EPHX1: variants seen among roughly 807,000 people sequenced by gnomAD.
EPHX1 encodes the protein epoxide hydrolase 1.
A neutral mutation model predicts 43.2 loss-of-function variants in EPHX1; 40 were observed. The ratio of observed to expected loss-of-function variants is 0.93; its 90% CI spans 0.72 to 1.21. The LOEUF (loss-of-function observed/expected upper bound fraction) is 1.21, where lower values mean the gene tolerates loss of function less well. Among genes scored for constraint, EPHX1 ranks in the 50% most tolerant of loss-of-function variants. The probability of loss-of-function intolerance (pLI) is 0.00; values close to 1 mark genes in which losing one functional copy is unlikely to be tolerated. For synonymous variants in EPHX1, 221 were observed against 226.7 expected, an observed-to-expected ratio of 0.98 and a Z score of 0.22; for missense variants, 550 against 570.4, an observed-to-expected ratio of 0.96 and a Z score of 0.36.
chr1:225,845,383 C>CAA lies in EPHX1; in HGVS notation c.*37_*38dup. 1.9e-6 allele frequency: 3 copies of CAA among 1,539,862 alleles called. No homozygotes were observed. Among genetic ancestry groups the CAA allele is most frequent in the African/African-American group, 2.7e-5 (2 of 73,650 alleles). ...TCCCCCCGCCTGCCACCTCCCCCCACAAGTGCCCTCCAGGCTTTTCTTGGG... is the reference window on the plus strand; with the variant it reads ...TCCCCCCGCCTGCCACCTCCCCCCACAAAAGTGCCCTCCAGGCTTTTCTTGGG... On this transcript the variant is annotated 3_prime_UTR_variant, in exon 9 of 9. Coordinates refer to ENST00000272167, the MANE Select transcript of EPHX1 (RefSeq NM_001136018.4).
At chr1:225,822,446 A>G (rs1189825621) in intron 1 of EPHX1, among the ~76,000 whole-genome samples, 2 of 152,254 alleles carry the variant, frequency 1.3e-5, no homozygotes, top group Non-Finnish European at 2.9e-5. Context: ...CGAATCAGAT[A>G]AAATATATCT....
At chr1:225,833,755 A>G (rs1667756016) in intron 3 of EPHX1, among the ~76,000 whole-genome samples, 1 of 147,250 alleles carries the variant, frequency 6.8e-6, no homozygotes, top group Non-Finnish European at 1.5e-5. Context: ...AGATCACACC[A>G]CTGCACTCCA....
chr1:225,833,143 A>G (rs975624855), intron 3 of EPHX1, among the ~76,000 whole-genome samples: 3 of 152,178 alleles, frequency 2.0e-5, no homozygotes, highest in Non-Finnish European at 2.9e-5. Context: ...ATAGGCGAGC[A>G]CCACTGTGCC....
At chr1:225,845,042 G>C (rs1668825295) in intron 8 of EPHX1, 104 bp from the exon 9 acceptor site, 1 of 1,222,204 alleles carries the variant, frequency 8.2e-7, no homozygotes, top group Non-Finnish European at 1.2e-6. Flanking sequence ...CTCCTTGTGG[G>C]TGGGCCAGCT....
rs1668895587 is a variant in EPHX1, at chr1:225,845,466, CCCACGCTCACCCCCTCACCCCT to C, written c.*123_*144del. On this transcript the variant is annotated 3_prime_UTR_variant, in exon 9 of 9. Coordinates refer to ENST00000272167, the MANE Select transcript of EPHX1 (RefSeq NM_001136018.4). ...CTCCGTCCCCTGCCCATGCTGGGAG[CCCACGCTCACCCCCTCACCCCT>C]CCAAGCTCACTCCCCAACCCCCAAC... The C allele has an allele frequency of 4.0e-6, 4 of 1,005,124 alleles. No individual in the cohort carries two copies. Among genetic ancestry groups the C allele is most frequent in the East Asian group, 2.6e-5 (1 of 38,390 alleles). The allele number at this position is 1,005,124 out of a possible 1,614,324, so 62.3% of individuals were successfully genotyped here.
chr1:225,827,512 C>T (rs1667304549), intron 1 of EPHX1, among the ~76,000 whole-genome samples: 1 of 152,202 alleles, frequency 6.6e-6, no homozygotes. Flanking sequence ...ATGGTTTCTT[C>T]CTCTTCTGAT....
chr1:225,838,570 A>G (rs954738722), intron 3 of EPHX1, 84 bp from the exon 4 acceptor site: 16 of 1,232,140 alleles, frequency 1.3e-5, no homozygotes, highest in Non-Finnish European at 1.6e-5. Flanking sequence ...GCAGGACTCA[A>G]TATCTAGGCT....
chr1:225,833,328 T>TA (rs1381748485), intron 3 of EPHX1, among the ~76,000 whole-genome samples: 2 of 152,248 alleles, frequency 1.3e-5, no homozygotes, highest in Admixed American at 6.5e-5. Context: ...CTAAAGTTCC[T>TA]AAAAAAAGGA....
chr1:225,844,995 A>C (rs1668817363), intron 8 of EPHX1, 151 bp from the exon 9 acceptor site: 1 of 856,122 alleles, frequency 1.2e-6, no homozygotes, highest in Non-Finnish European at 1.9e-6. Context: ...GTGAGGGGAG[A>C]GCGGTTGAGA....
intron 1 of EPHX1, among the ~76,000 whole-genome samples, chr1:225,823,334 G>T (rs1257806156): frequency 6.6e-6 from 1 of 152,146 alleles, no homozygotes; most frequent in Non-Finnish European, 1.5e-5. Flanking sequence ...CTGGGCCAAA[G>T]CCCTCGTATT....
intron 1 of EPHX1, among the ~76,000 whole-genome samples, chr1:225,820,648 C>T (rs1217294020): frequency 2.6e-5 from 4 of 152,122 alleles, no homozygotes; most frequent in African/African-American, 7.2e-5. Flanking sequence ...CCATTCCATT[C>T]CACATGCTCT....
chr1:225,824,685 G>C (rs567638628), intron 1 of EPHX1, among the ~76,000 whole-genome samples: 14 of 152,364 alleles, frequency 9.2e-5, no homozygotes, highest in African/African-American at 2.4e-4. Context: ...AAGCAGACGG[G>C]GGGGTGTGGA....
chr1:225,826,777 G>A (rs1427286064), intron 1 of EPHX1, among the ~76,000 whole-genome samples: 1 of 152,138 alleles, frequency 6.6e-6, no homozygotes, highest in Non-Finnish European at 1.5e-5. Context: ...AATCACATGT[G>A]GGGTGATAAG....
intron 1 of EPHX1, among the ~76,000 whole-genome samples, chr1:225,824,138 G>A (rs968915189): frequency 1.3e-5 from 2 of 152,144 alleles, no homozygotes; most frequent in Non-Finnish European, 2.9e-5. Flanking sequence ...CTCTAAGACC[G>A]CCCACCCCCG....
Position 225,831,807 on chromosome 1 carries a change from G to A in EPHX1, c.212G>A (p.Arg71His), listed in dbSNP as rs58623835. The A allele has an allele frequency of 1.1e-3, 1,707 of 1,614,078 alleles. 21 individuals carry two copies. In the African/African-American group the frequency reaches 0.02, roughly 19 times the overall value. Residue 71 changes from arginine (R) to histidine (H), a missense_variant, in exon 3 of 9, where the codon CGT becomes CAT. Physicochemically the swap from Arg to His is conservative, Grantham distance 29. Transcript: ENST00000272167. ...HDLHQRIDKF[R>H]FTPPLEDSCF... Reference sequence around the variant, plus strand: ...TTACACCAGAGGATCGATAAGTTCCGTTTCACCCCACCTTTGGAGGACAGC... The same window carrying A: ...TTACACCAGAGGATCGATAAGTTCCATTTCACCCCACCTTTGGAGGACAGC...
chr1:225,818,603 C>T (rs1666832063), intron 1 of EPHX1, among the ~76,000 whole-genome samples: 1 of 152,028 alleles, frequency 6.6e-6, no homozygotes, highest in Admixed American at 6.6e-5. Flanking sequence ...CGGGGGGCAG[C>T]GTGAGATCCC....
chr1:225,825,619 T>A (rs1007172014), intron 1 of EPHX1: 1 of 152,272 alleles, frequency 6.6e-6, no homozygotes, highest in Non-Finnish European at 1.5e-5. Flanking sequence ...GCTCGCAGCC[T>A]CCTTGACAAC....
intron 3 of EPHX1, among the ~76,000 whole-genome samples, chr1:225,837,264 G>A (rs1441402005): frequency 2.0e-5 from 3 of 152,094 alleles, no homozygotes; most frequent in East Asian, 1.9e-4. Flanking sequence ...ATATATTAAC[G>A]ACAGAACAGA....
Position 225,817,389 on chromosome 1 carries a change from G to A in EPHX1, c.-6+7220G>A, listed in dbSNP as rs191107264. Among the ~76,000 whole-genome samples, 1,049 of 152,314 alleles carry A rather than the reference G, an allele frequency of 6.9e-3. 5 individuals carry two copies. The highest frequency in any genetic ancestry group is 9.9e-3 in the Non-Finnish European group (672 of 68,010). The stretch of plus-strand genomic sequence containing the variant: ...AGGAACGCTCCCAGGCTCCCATCCT[G>A]CGTCCGCTTGGCAGGCAGGCCAGGA... On this transcript the variant is annotated intron_variant, in intron 1 of 8. Transcript: ENST00000272167. This position sits in a 1 kb window ranked among gnomAD's most constrained non-coding sequence, Gnocchi z 5.7.
Sources: gnomAD v4.1 joint callset for allele counts (sites outside exome capture counted in the v4.1 genomes callset) on GRCh38, gnomAD v4.1.1 for gene constraint, Gnocchi (gnomAD v3.1) non-coding constraint, MANE v1.5 for transcripts, NCBI Gene and HGNC (gene_info 2026-07-23, HGNC 2026-07-21) for gene names.